CSMD1: variants seen among roughly 807,000 people sequenced by gnomAD.
CSMD1 encodes the protein CUB and Sushi multiple domains 1.
In CSMD1, 213 loss-of-function variants were observed where a neutral mutation model predicts 417.5. The observed-to-expected ratio is 0.51, with a 90% CI of 0.46 to 0.57. The LOEUF is 0.57. Ranked by LOEUF, CSMD1 falls within the 20% of genes least tolerant of loss-of-function variation. The pLI, the probability that CSMD1 is intolerant of heterozygous loss-of-function variation, is 0.00. For missense variants in CSMD1, 6,923 were observed against 4,529.7 expected (o/e 1.53, Z -15.17); for synonymous variants, 2,862 against 1,736.8 (o/e 1.65, Z -16.11).
chr8:4,618,788 T>C (rs1475958784), intron 2 of CSMD1, among the ~76,000 whole-genome samples: 1 of 152,184 alleles, frequency 6.6e-6, no homozygotes, highest in Non-Finnish European at 1.5e-5. Context: ...CCCCAAAACA[T>C]TTCTGACTTC....
intron 3 of CSMD1, among the ~76,000 whole-genome samples, chr8:4,297,675 T>C (rs1010898552): frequency 6.6e-5 from 10 of 152,296 alleles, no homozygotes; most frequent in Admixed American, 2.0e-4. Context: ...TACTTTCTGC[T>C]ACTGTTTTAG....
chr8:3,611,000 C>T (rs1801864741), intron 8 of CSMD1, among the ~76,000 whole-genome samples: 2 of 145,566 alleles, frequency 1.4e-5, no homozygotes, highest in Admixed American at 1.5e-4. Flanking sequence ...CCAAACACCG[C>T]ATGTTCTCAC....
At chr8:3,913,228 T>A (rs901541989) in intron 5 of CSMD1, among the ~76,000 whole-genome samples, 23 of 152,072 alleles carry the variant, frequency 1.5e-4, no homozygotes, top group Non-Finnish European at 1.0e-4. Context: ...AGGGTTGGAA[T>A]AAACATTCAG....
chr8:4,104,022 C>T (rs975993999), intron 3 of CSMD1, among the ~76,000 whole-genome samples: 1 of 152,176 alleles, frequency 6.6e-6, no homozygotes, highest in African/African-American at 2.4e-5. Flanking sequence ...CAGGCCTGTC[C>T]CTGCCCCAGC....
intron 46 of CSMD1, among the ~76,000 whole-genome samples, 189 bp from the exon 47 acceptor site, chr8:3,097,226 T>C (rs921439906): frequency 1.1e-4 from 17 of 152,168 alleles, no homozygotes; most frequent in Non-Finnish European, 2.2e-4. Context: ...ATTGTGCATC[T>C]TTCTCTTTGC....
intron 1 of CSMD1, among the ~76,000 whole-genome samples, chr8:4,957,208 A>T (rs561574761): frequency 6.6e-6 from 1 of 152,340 alleles, no homozygotes; most frequent in East Asian, 1.9e-4. Context: ...AGCTATAGCA[A>T]ACTGTTCTGC....
rs1319170794 is a variant in CSMD1, at chr8:2,935,839, GAAA to G, written c.*2743_*2745del. ...GTTGTTTACAAAATATTTTACAGAA[GAAA>G]AAAATTATTGCAGCTAGCCTGAAAA... On this transcript the variant is annotated 3_prime_UTR_variant, in exon 70 of 70. Coordinates refer to ENST00000635120, the MANE Select transcript of CSMD1 (RefSeq NM_033225.6). 1 of 152,100 alleles carries G rather than the reference GAAA, an allele frequency of 6.6e-6. No homozygotes were observed. 9.4% of individuals were successfully genotyped at this position (152,100 alleles called of 1,614,324 possible).
chr8:3,702,537 A>C (rs1303716787), intron 7 of CSMD1, among the ~76,000 whole-genome samples: 1 of 152,242 alleles, frequency 6.6e-6, no homozygotes, highest in East Asian at 1.9e-4. Flanking sequence ...CATCATTAAA[A>C]AATAGAGTGC....
intron 10 of CSMD1, among the ~76,000 whole-genome samples, chr8:3,540,393 C>G (rs1467810147): frequency 2.6e-5 from 4 of 151,992 alleles, no homozygotes; most frequent in South Asian, 4.1e-4. Context: ...AAGGTGGATT[C>G]AAGACTTAAA....
At chr8:4,499,214 C>T (rs1363500652) in intron 2 of CSMD1, among the ~76,000 whole-genome samples, 2 of 152,138 alleles carry the variant, frequency 1.3e-5, no homozygotes, top group African/African-American at 2.4e-5. Context: ...AAAGACTTCA[C>T]AAACAAGGTG....
At chr8:4,912,714 T>G (rs1408438367) in intron 1 of CSMD1, among the ~76,000 whole-genome samples, 2 of 152,190 alleles carry the variant, frequency 1.3e-5, no homozygotes, top group Non-Finnish European at 2.9e-5. Context: ...GGAAACAGAA[T>G]AACCACCAGT....
At chr8:3,263,652 A>C (rs990452840) in intron 26 of CSMD1, among the ~76,000 whole-genome samples, 1 of 152,234 alleles carries the variant, frequency 6.6e-6, no homozygotes. Context: ...AGTTACCCAA[A>C]TTAGAAAATG....
intron 5 of CSMD1, among the ~76,000 whole-genome samples, chr8:3,808,481 A>C (rs534250982): frequency 5.2e-4 from 79 of 152,302 alleles, no homozygotes; most frequent in Non-Finnish European, 9.4e-4. Context: ...TTTCAGTAAT[A>C]TGTTTTCTGC....
intron 8 of CSMD1, among the ~76,000 whole-genome samples, chr8:3,609,655 C>T (rs1801790648): frequency 6.6e-6 from 1 of 151,634 alleles, no homozygotes; most frequent in Non-Finnish European, 1.5e-5. Context: ...GGCTACACTG[C>T]AAATGAGCTC....
intron 3 of CSMD1, among the ~76,000 whole-genome samples, chr8:4,358,102 T>G (rs145701146): frequency 1.3e-5 from 2 of 152,200 alleles, no homozygotes; most frequent in African/African-American, 4.8e-5. Flanking sequence ...ACATATGCTA[T>G]GATCAGCCAA....
chr8:4,839,864 T>C (rs983119589), intron 1 of CSMD1, among the ~76,000 whole-genome samples: 2 of 152,216 alleles, frequency 1.3e-5, no homozygotes, highest in African/African-American at 4.8e-5. Context: ...TGTATATCTT[T>C]CAATTCTTAG....
At chr8:3,011,737 G>T (rs1450332113) in intron 52 of CSMD1, among the ~76,000 whole-genome samples, 1 of 152,168 alleles carries the variant, frequency 6.6e-6, no homozygotes, top group African/African-American at 2.4e-5. Flanking sequence ...AGAGAGGATG[G>T]GTTCTTATGT....
At chr8:3,207,965 C>A (rs780728626) in intron 30 of CSMD1, among the ~76,000 whole-genome samples, 5 of 152,162 alleles carry the variant, frequency 3.3e-5, no homozygotes, top group Non-Finnish European at 5.9e-5. Flanking sequence ...ACTCTACCAA[C>A]GCAGATATAT....
chr8:3,901,512 C>A (rs534517597), intron 5 of CSMD1, among the ~76,000 whole-genome samples: 2 of 152,172 alleles, frequency 1.3e-5, no homozygotes, highest in African/African-American at 4.8e-5. Flanking sequence ...ACCAAGGGAG[C>A]CACGCTTTGG....
Sources: gnomAD v4.1 joint callset for allele counts (sites outside exome capture counted in the v4.1 genomes callset) on GRCh38, gnomAD v4.1.1 for gene constraint, MANE v1.5 for transcripts, NCBI Gene and HGNC (gene_info 2026-07-23, HGNC 2026-07-21) for gene names.